The following ZCWPW2 variants were observed in gnomAD, a reference collection of about 807,000 sequenced individuals.
ZCWPW2 encodes the protein zinc finger CW-type and PWWP domain containing 2.
ZCWPW2 carries 45 observed loss-of-function variants against 46.6 expected under a neutral mutation model. That is an observed-to-expected ratio of 0.96 (90% CI 0.76 to 1.24). The LOEUF is 1.24. Among genes scored for constraint, ZCWPW2 ranks in the 50% most tolerant of loss-of-function variants. The probability of loss-of-function intolerance (pLI) is 0.00; values close to 1 mark genes in which losing one functional copy is unlikely to be tolerated. For synonymous variants in ZCWPW2, 152 were observed against 137.1 expected, an observed-to-expected ratio of 1.11 and a Z score of -0.76; for missense variants, 429 against 403.9, an observed-to-expected ratio of 1.06 and a Z score of -0.53.
At chr3:28,514,685 A>G (rs1176614897) in intron 7 of ZCWPW2, among the ~76,000 whole-genome samples, 1 of 152,232 alleles carries the variant, frequency 6.6e-6, no homozygotes, top group Non-Finnish European at 1.5e-5. Context: ...TTTGAAACAG[A>G]ACTTTTAAAG....
At chr3:28,491,484 C>T (rs73823977) in intron 5 of ZCWPW2, among the ~76,000 whole-genome samples, 5,959 of 151,990 alleles carry the variant, frequency 0.039, 359 homozygotes, top group African/African-American at 0.13. Flanking sequence ...TTAGGAGTGG[C>T]ATAATGAGAA....
At chr3:28,384,638 T>C in intron 1 of ZCWPW2, among the ~76,000 whole-genome samples, 1 of 146,980 alleles carries the variant, frequency 6.8e-6, no homozygotes, top group Non-Finnish European at 1.5e-5. Context: ...TTTGAGACGG[T>C]GTCTCACTCT....
At chr3:28,472,622 A>G (rs1247584093) in intron 4 of ZCWPW2, among the ~76,000 whole-genome samples, 1 of 152,234 alleles carries the variant, frequency 6.6e-6, no homozygotes, top group East Asian at 1.9e-4. Context: ...AAACTACTAC[A>G]AGAAAACTTT....
At chr3:28,490,618 T>C (rs908769840) in intron 5 of ZCWPW2, among the ~76,000 whole-genome samples, 3 of 152,010 alleles carry the variant, frequency 2.0e-5, no homozygotes, top group Non-Finnish European at 2.9e-5. Flanking sequence ...AACTAAACAT[T>C]GAGTACATGT....
intron 4 of ZCWPW2, among the ~76,000 whole-genome samples, chr3:28,453,826 TATTTA>T (rs1209972605): frequency 4.1e-4 from 61 of 147,306 alleles, no homozygotes; most frequent in African/African-American, 1.3e-3. Flanking sequence ...TTTATTTATT[TATTTA>T]TTTTTATTTT....
chr3:28,468,291 G>T (rs999119668), intron 4 of ZCWPW2, among the ~76,000 whole-genome samples: 59 of 151,852 alleles, frequency 3.9e-4, no homozygotes, highest in African/African-American at 1.3e-3. Context: ...GAAAAAAAAA[G>T]AACGAAGCAC....
At chr3:28,364,841 C>T (rs1004746592) in intron 1 of ZCWPW2, among the ~76,000 whole-genome samples, 1 of 152,064 alleles carries the variant, frequency 6.6e-6, no homozygotes, top group Non-Finnish European at 1.5e-5. Context: ...TGTTTCCTGA[C>T]TTTTAATGAT....
At chr3:28,391,603 A>G (rs1044957681) in intron 2 of ZCWPW2, among the ~76,000 whole-genome samples, 1 of 152,174 alleles carries the variant, frequency 6.6e-6, no homozygotes, top group Admixed American at 6.5e-5. Context: ...AGTGTGGCTT[A>G]TGCTACCACA....
intron 3 of ZCWPW2, among the ~76,000 whole-genome samples, chr3:28,431,021 C>A (rs1697232224): frequency 6.6e-6 from 1 of 152,036 alleles, no homozygotes; most frequent in Non-Finnish European, 1.5e-5. Flanking sequence ...TTATGAGTTG[C>A]ATAGATTTAT....
chr3:28,404,379 T>G (rs1696073633), intron 2 of ZCWPW2, among the ~76,000 whole-genome samples: 1 of 152,056 alleles, frequency 6.6e-6, no homozygotes, highest in Admixed American at 6.6e-5. Context: ...AAAAAACAGA[T>G]GTTGGCATGG....
intron 2 of ZCWPW2, among the ~76,000 whole-genome samples, chr3:28,396,658 G>A (rs1418259219): frequency 6.6e-6 from 1 of 152,180 alleles, no homozygotes; most frequent in Non-Finnish European, 1.5e-5. Context: ...ATAGCCTGCA[G>A]CTAAAAATGG....
chr3:28,382,155 T>G (rs1179969503), intron 1 of ZCWPW2, among the ~76,000 whole-genome samples: 1 of 126,822 alleles, frequency 7.9e-6, no homozygotes, highest in African/African-American at 3.1e-5. Flanking sequence ...AGAGTCAAAC[T>G]GCATCTCAAA....
At chr3:28,493,027 C>A (rs1699868695) in intron 6 of ZCWPW2, among the ~76,000 whole-genome samples, 2 of 143,546 alleles carry the variant, frequency 1.4e-5, no homozygotes, top group South Asian at 2.2e-4. Flanking sequence ...TTTTATGAGT[C>A]CTTCTAAAAT....
rs1456024534 is a variant in ZCWPW2, at chr3:28,375,867, A to G, written c.-133-14631A>G. On this transcript the variant is annotated intron_variant, in intron 1 of 9. Coordinates refer to ENST00000383768, the MANE Select transcript of ZCWPW2 (RefSeq NM_001040432.4). ...ATTCAATTGTTTTGATTTTTAGATC[A>G]CACAAATAAGTAAAAACATGAAATG... Among the ~76,000 whole-genome samples, 8 of 151,932 alleles carry G rather than the reference A, an allele frequency of 5.3e-5. 1 individual carries two copies. Among genetic ancestry groups the G allele is most frequent in the Non-Finnish European group, 8.8e-5 (6 of 67,918 alleles).
intron 9 of ZCWPW2, among the ~76,000 whole-genome samples, chr3:28,523,614 T>C (rs1302687884): frequency 2.0e-5 from 3 of 152,128 alleles, no homozygotes; most frequent in African/African-American, 7.2e-5. Context: ...TGATAATGTT[T>C]TCATCATTCA....
At position 28,426,936 on chromosome 3, in the gene ZCWPW2, G is replaced by A. The variant is rs143038492; in HGVS notation, c.333-8174G>A. ...TGTCTTATTAAAGATCATTTCTACT[G>A]GATAACAAATATGTAAGACATGAGT... On this transcript the variant is annotated intron_variant, in intron 3 of 9. Coordinates refer to ENST00000383768, the MANE Select transcript of ZCWPW2 (RefSeq NM_001040432.4). Among the ~76,000 whole-genome samples the A allele has an allele frequency of 2.0e-3, 304 of 152,238 alleles. 3 individuals carry two copies. The highest frequency in any genetic ancestry group is 0.01 in the South Asian group (49 of 4,828).
intron 1 of ZCWPW2, among the ~76,000 whole-genome samples, chr3:28,376,765 C>T (rs1056846549): frequency 2.0e-5 from 3 of 151,998 alleles, no homozygotes; most frequent in Admixed American, 6.6e-5. Context: ...TAACTTTTGT[C>T]GCAAAATGTA....
chr3:28,349,303 C>G, intron 1 of ZCWPW2, 100 bp downstream of exon 1: 1 of 739,254 alleles, frequency 1.4e-6, no homozygotes, highest in Non-Finnish European at 1.7e-6. Context: ...TGGGGGGTCC[C>G]CGGGCCGTGT....
intron 4 of ZCWPW2, among the ~76,000 whole-genome samples, chr3:28,472,419 C>T (rs543032050): frequency 6.6e-5 from 10 of 152,202 alleles, no homozygotes; most frequent in African/African-American, 1.7e-4. Flanking sequence ...GAAATAAATC[C>T]ATACATCTAC....
Sources: gnomAD v4.1 joint callset for allele counts (sites outside exome capture counted in the v4.1 genomes callset) on GRCh38, gnomAD v4.1.1 for gene constraint, MANE v1.5 for transcripts, NCBI Gene and HGNC (gene_info 2026-07-23, HGNC 2026-07-21) for gene names.